The following KRT10 variants were observed in gnomAD, a reference collection of about 807,000 sequenced individuals.
KRT10 encodes keratin, type I cytoskeletal 10.
In KRT10, 40 loss-of-function variants were observed where a neutral mutation model predicts 59.2. The observed-to-expected ratio is 0.68, with a 90% confidence interval of 0.52 to 0.88. The LOEUF (loss-of-function observed/expected upper bound fraction) is 0.88. Among genes scored for constraint, KRT10 ranks in the 40% least tolerant of loss-of-function variants. The pLI is 0.00. For synonymous variants in KRT10, 336 were observed against 310.7 expected (o/e 1.08, Z -0.86); for missense variants, 719 against 749.1 (o/e 0.96, Z 0.47).
chr17:40,819,915 C>T (rs1905269991), intron 5 of KRT10, 134 bp downstream of exon 5: 3 of 1,213,618 alleles, frequency 2.5e-6, no homozygotes, highest in Admixed American at 3.6e-5. Context: ...TACTTTTCCT[C>T]CATTAACATG....
At chr17:40,818,695 A>AT in intron 7 of KRT10, 92 bp downstream of exon 7, 1 of 1,583,084 alleles carries the variant, frequency 6.3e-7, no homozygotes, top group African/African-American at 1.3e-5. Flanking sequence ...AAGATTTTTA[A>AT]TTTTTTAAAA....
Position 40,820,371 on chromosome 17 carries a change from T to C in KRT10, c.920A>G (p.Asn307Ser), listed in dbSNP as rs1313532087. The C allele has an allele frequency of 6.2e-7, 1 of 1,614,108 alleles. No individual in the cohort carries two copies. Among genetic ancestry groups the C allele is most frequent in the Non-Finnish European group, 8.5e-7 (1 of 1,180,040 alleles). Residue 307 changes from asparagine (N) to serine (S), a missense_variant, in exon 4 of 8, where the codon AAT becomes AGT. Physicochemically the swap from Asn to Ser is conservative, Grantham distance 46. Coordinates refer to ENST00000269576, the MANE Select transcript of KRT10 (RefSeq NM_000421.5). ...VSTGDVNVEM[N>S]AAPGVDLTQL... ...AGTCAGATCAACACCCGGGGCAGCA[T>C]TCATTTCCACATTCACATCACCAGT...
In KRT10 at chr17:40,819,744, A is replaced by AT. The variant is rs560685431; in HGVS notation, c.1156-11dup. On this transcript the variant is annotated splice_polypyrimidine_tract_variant and intron_variant, in intron 5 of 7. Transcript: ENST00000269576. The stretch of plus-strand genomic sequence containing the variant: ...CTTCCAGGGATTGTTTCTGAAACGG[A>AT]TTTTTTTGTGGCTTAGTGACTTCCT... 170 of 1,612,836 alleles carry AT rather than the reference A, an allele frequency of 1.1e-4. No individual in the cohort carries two copies. The African/African-American group carries it at 1.4e-3, about 13-fold the overall frequency.
At chr17:40,820,763 A>C (rs774988173) in intron 2 of KRT10, 96 bp from the exon 3 acceptor site, 122 of 1,302,510 alleles carry the variant, frequency 9.4e-5, no homozygotes, top group Middle Eastern at 1.9e-4. Flanking sequence ...AGTTGATCTC[A>C]TGTAATGGCA....
chr17:40,821,536 G>T (rs183337445), intron 1 of KRT10, among the ~76,000 whole-genome samples: 178 of 152,274 alleles, frequency 1.2e-3, no homozygotes, highest in African/African-American at 4.2e-3. Context: ...TTCCTTAGAG[G>T]CAAGCAGTGT....
In KRT10 at chr17:40,820,142, GTTA is replaced by G. The variant is rs1440371207; in HGVS notation, c.1059_1061del (p.Asn354del). The G allele has an allele frequency of 6.2e-7, 1 of 1,613,698 alleles. No homozygotes were observed. The highest frequency in any genetic ancestry group is 8.5e-7 in the Non-Finnish European group (1 of 1,179,784). On this transcript the variant is annotated inframe_deletion, in exon 5 of 8. Coordinates refer to ENST00000269576, the MANE Select transcript of KRT10 (RefSeq NM_000421.5). ...ATTTATAGCTGGATATCTGTTCAAT[GTTA>G]TTATCAATTTCTGTAGTCAGTTCCT... is the stretch of plus-strand genomic sequence containing the variant.
At position 40,818,791 on chromosome 17, in the gene KRT10, G is replaced by A. The variant is rs1259553530; in HGVS notation, c.1744C>T (p.Pro582Ser). Residue 582 changes from proline to serine, a missense_variant, in exon 7 of 8, where the codon CCA becomes TCA. Physicochemically the swap from Pro to Ser is moderately conservative, Grantham distance 74. Around this residue, in one of 4 missense-constraint regions of KRT10, gnomAD observed 315 missense variants for 270.6 expected, o/e 1.16. Transcript: ENST00000269576. ...GSVGESSSKG[P>S]RY is the part of the protein sequence containing the mutation. ...CCCCAGCTAGTTTCTGCTGACCTTG[G>A]TCCCTTAGATGAAGACTCGCCCACG... is the stretch of plus-strand genomic sequence containing the variant. 3 of 1,554,722 alleles carry A rather than the reference G, an allele frequency of 1.9e-6. No individual in the cohort carries two copies. The highest frequency in any genetic ancestry group is 2.6e-6 in the Non-Finnish European group (3 of 1,159,820).
rs754626613 is a variant in KRT10 at position 40,820,257 on chromosome 17, T to C, written c.1029+5A>G. 4.8e-5 allele frequency: 78 copies of C among 1,614,024 alleles called. No homozygotes were observed. The highest frequency in any genetic ancestry group is 6.1e-5 in the Non-Finnish European group (72 of 1,180,034). ...TGAGTTTCACTATAAGGAAGATTACTTTACCTTTTCATTGAACCAGGCTTC... is the reference window on the plus strand; with the variant it reads ...TGAGTTTCACTATAAGGAAGATTACCTTACCTTTTCATTGAACCAGGCTTC... On this transcript the variant is annotated splice_donor_5th_base_variant and intron_variant, in intron 4 of 7. Coordinates refer to ENST00000269576, the MANE Select transcript of KRT10 (RefSeq NM_000421.5).
At position 40,820,960 on chromosome 17, in the gene KRT10, G is replaced by A. The variant is rs534749830; in HGVS notation, c.710+75C>T. ...TTCAGAAAAATGTAAATGTTATTGA[G>A]GGCATCCCAAGTCATTGTTAAAAAC... On this transcript the variant is annotated intron_variant, in intron 2 of 7. Coordinates refer to ENST00000269576, the MANE Select transcript of KRT10 (RefSeq NM_000421.5). 11 of 1,153,426 alleles carry A rather than the reference G, an allele frequency of 9.5e-6. No homozygotes were observed. The Admixed American group carries it at 1.8e-4, about 19-fold the overall frequency. 71.4% of individuals were successfully genotyped at this position (1,153,426 alleles called of 1,614,324 possible).
Position 40,820,516 on chromosome 17 carries a change from C to T in KRT10, c.862G>A (p.Glu288Lys), listed in dbSNP as rs1214059818. The change falls in exon 3 of 8, where the codon GAG (glutamate) becomes AAG (lysine). Residue 288 changes from glutamate to lysine, a missense_variant. Glu to Lys is a moderately conservative substitution (Grantham distance 56, BLOSUM62 1). Around this residue, in one of 4 missense-constraint regions of KRT10, gnomAD observed 221 missense variants for 277.8 expected, o/e 0.80. Transcript: ENST00000269576. ...AAGTATAACTTTTGTGTCACCTCCT[C>T]GTGGTTCTTCTTCAGATAGGCCAGC... ...EELAYLKKNH[E>K]EEMKDLRNVS... 1 of 1,614,064 alleles carries T rather than the reference C, an allele frequency of 6.2e-7. No individual in the cohort carries two copies. The highest frequency in any genetic ancestry group is 1.7e-5 in the Admixed American group (1 of 59,998).
chr17:40,818,355 ACT>A lies in KRT10; in HGVS notation c.*119_*120del. 1 of 1,337,384 alleles carries A rather than the reference ACT, an allele frequency of 7.5e-7. No individual in the cohort carries two copies. Among genetic ancestry groups the A allele is most frequent in the East Asian group, 2.3e-5 (1 of 42,568 alleles). 82.8% of individuals were successfully genotyped at this position (1,337,384 alleles called of 1,614,324 possible). On this transcript the variant is annotated 3_prime_UTR_variant, in exon 8 of 8. Coordinates refer to ENST00000269576, the MANE Select transcript of KRT10 (RefSeq NM_000421.5). ...TAAATAATGGTCTGTGTGAAGGGAG[ACT>A]CTTTCCTCTTGATGCAGTTTAATAG...
rs1286284111 is a variant in KRT10 at position 40,819,006 on chromosome 17, C to G, written c.1529G>C (p.Gly510Ala). The change falls in exon 7 of 8, where the codon GGC (glycine) becomes GCC (alanine). Residue 510 changes from glycine (G) to alanine (A), a missense_variant. Physicochemically the swap from Gly to Ala is moderately conservative, Grantham distance 60. Coordinates refer to ENST00000269576, the MANE Select transcript of KRT10 (RefSeq NM_000421.5). ...GGGSSGGGSS[G>A]GGYGGGSSSG... ...GGAGCTTCCGCCCCCGTAGCCGCCG[C>G]CGGAGCTTCCGCCGCCGGAGCTTCC... 1 of 1,284,068 alleles carries G rather than the reference C, an allele frequency of 7.8e-7. No homozygotes were observed. Among genetic ancestry groups the G allele is most frequent in the Non-Finnish European group, 1.0e-6 (1 of 991,570 alleles). 79.5% of individuals were successfully genotyped at this position (1,284,068 alleles called of 1,614,324 possible).
rs1905290036 is a variant in KRT10, at chr17:40,820,230, C to T, written c.1029+32G>A. 3.7e-6 allele frequency: 6 copies of T among 1,614,164 alleles called. No homozygotes were observed. The East Asian group carries it at 1.3e-4, about 36-fold the overall frequency. On this transcript the variant is annotated intron_variant, in intron 4 of 7. Transcript: ENST00000269576. ...GGAAATTCTGAAATGATAAAACCTC[C>T]ATGAGTTTCACTATAAGGAAGATTA...
chr17:40,819,935 T>G (rs1262379526), intron 5 of KRT10, 114 bp downstream of exon 5: 1 of 1,358,542 alleles, frequency 7.4e-7, no homozygotes, highest in Non-Finnish European at 1.0e-6. Flanking sequence ...GAGCTTCACT[T>G]TGTTTTCTCT....
At chr17:40,821,139 T>C (rs777026969) in intron 1 of KRT10, 22 bp from the exon 2 acceptor site, 27 of 1,568,210 alleles carry the variant, frequency 1.7e-5, no homozygotes, top group African/African-American at 4.1e-5. Context: ...GGCACAGTTA[T>C]TTGAGAAGAG....
At chr17:40,821,786 T>G (rs1905399747) in intron 1 of KRT10, among the ~76,000 whole-genome samples, 173 bp downstream of exon 1, 1 of 152,196 alleles carries the variant, frequency 6.6e-6, no homozygotes, top group Non-Finnish European at 1.5e-5. Flanking sequence ...GGATGAAGAT[T>G]GCCATGACCA....
chr17:40,818,524 G>A (rs1027049288), intron 7 of KRT10, 42 bp from the exon 8 acceptor site: 2 of 1,347,392 alleles, frequency 1.5e-6, no homozygotes, highest in South Asian at 2.3e-5. Context: ...AGTCTGTAGG[G>A]ATCCTTAGTA....
chr17:40,820,762 CAT>C, intron 2 of KRT10, 95 bp from the exon 3 acceptor site: 1 of 1,301,544 alleles, frequency 7.7e-7, no homozygotes, highest in Non-Finnish European at 1.1e-6. Flanking sequence ...TAGTTGATCT[CAT>C]GTAATGGCAA....
At position 40,820,039 on chromosome 17, in the gene KRT10, G is replaced by A. The variant is rs1420800920; in HGVS notation, c.1155+10C>T. On this transcript the variant is annotated intron_variant, in intron 5 of 7. Transcript: ENST00000269576. ...ATAAAGTTGAAGTCATTTCATGAGAGTTAACATACCAAGGCCAGTTGGGAC... is the reference window on the plus strand; with the variant it reads ...ATAAAGTTGAAGTCATTTCATGAGAATTAACATACCAAGGCCAGTTGGGAC... 6.2e-7 allele frequency: 1 copy of A among 1,612,318 alleles called. No homozygotes were observed. The highest frequency in any genetic ancestry group is 1.1e-5 in the South Asian group (1 of 91,006).
Sources: gnomAD v4.1 joint callset for allele counts (sites outside exome capture counted in the v4.1 genomes callset) on GRCh38, gnomAD v4.1.1 for gene constraint, gnomAD v4.1.1 regional missense constraint, MANE v1.5 for transcripts, NCBI Gene and HGNC (gene_info 2026-07-23, HGNC 2026-07-21) for gene names.